Variants in ANO10 observed in about 807,000 individuals in gnomAD.
ANO10 encodes the protein anoctamin 10, also known as anoctamin-10.
ANO10 carries 77 observed loss-of-function variants against 74.7 expected under a neutral mutation model. The observed-to-expected ratio is 1.03, with a 90% confidence interval of 0.86 to 1.25. The LOEUF (loss-of-function observed/expected upper bound fraction) is 1.25, where lower values mean the gene tolerates loss of function less well. Ranked by LOEUF, ANO10 falls within the 50% of genes most tolerant of loss-of-function variation. The pLI is 0.00. For missense variants in ANO10, 721 were observed against 778.1 expected, an observed-to-expected ratio of 0.93 and a Z score of 0.87; for synonymous variants, 279 against 284.9, an observed-to-expected ratio of 0.98 and a Z score of 0.21.
chr3:43,567,924 G>A (rs1413227872), intron 7 of ANO10, among the ~76,000 whole-genome samples: 1 of 152,128 alleles, frequency 6.6e-6, no homozygotes, highest in Non-Finnish European at 1.5e-5. Context: ...TCAGTGTGCT[G>A]TATTCAGGAA....
At chr3:43,600,120 C>A (rs1575521138) in intron 3 of ANO10, among the ~76,000 whole-genome samples, 1 of 152,158 alleles carries the variant, frequency 6.6e-6, no homozygotes, top group Non-Finnish European at 1.5e-5. Flanking sequence ...TGGCAACAGG[C>A]CAAATCCAGC....
chr3:43,379,978 G>C (rs1438684720), intron 12 of ANO10, among the ~76,000 whole-genome samples: 1 of 152,098 alleles, frequency 6.6e-6, no homozygotes, highest in East Asian at 1.9e-4. Context: ...CAGTGAAATA[G>C]ATAGCATAAA....
At chr3:43,556,800 A>C (rs1304593670) in intron 9 of ANO10, among the ~76,000 whole-genome samples, 1 of 152,218 alleles carries the variant, frequency 6.6e-6, no homozygotes, top group Admixed American at 6.5e-5. Context: ...AAAAATCAGA[A>C]ATAAGATAAA....
intron 11 of ANO10, among the ~76,000 whole-genome samples, chr3:43,511,120 T>C (rs1387293052): frequency 1.3e-5 from 2 of 152,204 alleles, no homozygotes; most frequent in East Asian, 1.9e-4. Context: ...TTAAAGACGA[T>C]CGTTTTAAGT....
At chr3:43,576,210 CA>C (rs756895054) in intron 6 of ANO10, among the ~76,000 whole-genome samples, 49 of 151,778 alleles carry the variant, frequency 3.2e-4, no homozygotes, top group Non-Finnish European at 6.9e-4. Flanking sequence ...ATCATGAAGA[CA>C]TTTTTTTTTT....
chr3:43,532,646 C>T (rs2078524419), intron 11 of ANO10, among the ~76,000 whole-genome samples: 2 of 152,176 alleles, frequency 1.3e-5, no homozygotes, highest in Admixed American at 6.6e-5. Flanking sequence ...ATAACCACCA[C>T]CACAATCAGG....
At chr3:43,479,100 G>C (rs2076176213) in intron 11 of ANO10, among the ~76,000 whole-genome samples, 1 of 151,746 alleles carries the variant, frequency 6.6e-6, no homozygotes. Context: ...CTCGTGCATA[G>C]ATTATTGTGT....
At chr3:43,628,101 TTCC>T (rs1235750252) in intron 1 of ANO10, among the ~76,000 whole-genome samples, 1 of 152,184 alleles carries the variant, frequency 6.6e-6, no homozygotes, top group African/African-American at 2.4e-5. Flanking sequence ...ATAATTATTT[TTCC>T]TCCTTTCTTG....
chr3:43,598,601 G>C lies in ANO10; in HGVS notation c.403C>G (p.Leu135Val), dbSNP rs756534691. The C allele has an allele frequency of 2.0e-5, 32 of 1,611,928 alleles. No individual in the cohort carries two copies. The East Asian group carries it at 6.9e-4, about 35-fold the overall frequency. ...ATCATTTTTTCATCTTTAGCTCTAA[G>C]ATTTTCAAGTTCATGTTTGATAATG... ...QFIIKHELEN[L>V]RAKDEKMIPG... is the part of the protein sequence containing the mutation. The change falls in exon 4 of 13, where the codon CTT (leucine) becomes GTT (valine). Residue 135 changes from leucine to valine, a missense_variant. Leu to Val is a conservative substitution (Grantham distance 32). Transcript: ENST00000292246.
intron 11 of ANO10, among the ~76,000 whole-genome samples, chr3:43,472,965 G>C (rs919876156): frequency 6.6e-6 from 1 of 152,054 alleles, no homozygotes; most frequent in Non-Finnish European, 1.5e-5. Flanking sequence ...GCAAATATAA[G>C]CAAAATGATA....
At chr3:43,508,428 G>C (rs1262660059) in intron 11 of ANO10, among the ~76,000 whole-genome samples, 1 of 152,164 alleles carries the variant, frequency 6.6e-6, no homozygotes, top group African/African-American at 2.4e-5. Context: ...ATTTGACCCA[G>C]CAATCCCATT....
At chr3:43,562,039 A>G (rs1002786466) in intron 8 of ANO10, among the ~76,000 whole-genome samples, 2 of 152,162 alleles carry the variant, frequency 1.3e-5, no homozygotes, top group South Asian at 2.1e-4. Context: ...AAAAATCCAC[A>G]TATTTACAGT....
chr3:43,366,837 C>T lies in ANO10; in HGVS notation c.*69G>A. 1.4e-6 allele frequency: 2 copies of T among 1,476,376 alleles called. No homozygotes were observed. The highest frequency in any genetic ancestry group is 1.9e-6 in the Non-Finnish European group (2 of 1,079,706). The allele number at this position is 1,476,376 out of a possible 1,614,324, so 91.5% of individuals were successfully genotyped here. On this transcript the variant is annotated 3_prime_UTR_variant, in exon 13 of 13. Coordinates refer to ENST00000292246, the MANE Select transcript of ANO10 (RefSeq NM_018075.5). ...CCACGATGCTGCCCCGGGTACCCCC[C>T]CTGCCACCGTGGCAGGTGTGGCACA...
chr3:43,477,976 CTG>C (rs1353144485), intron 11 of ANO10, among the ~76,000 whole-genome samples: 2 of 152,174 alleles, frequency 1.3e-5, no homozygotes, highest in Non-Finnish European at 2.9e-5. Context: ...GAAGTAGTCT[CTG>C]TTTTTTCAGT....
At chr3:43,425,195 T>G (rs1452065624) in intron 12 of ANO10, among the ~76,000 whole-genome samples, 2 of 151,570 alleles carry the variant, frequency 1.3e-5, no homozygotes, top group Non-Finnish European at 2.9e-5. Context: ...ATGTATTTAC[T>G]GTAACTTTTT....
intron 11 of ANO10, among the ~76,000 whole-genome samples, chr3:43,546,338 C>G (rs551496159): frequency 7.9e-5 from 12 of 152,256 alleles, no homozygotes; most frequent in African/African-American, 2.9e-4. Flanking sequence ...AGTCTCACAC[C>G]TCCTGATTTC....
chr3:43,430,266 AT>A (rs1389195514), intron 12 of ANO10, among the ~76,000 whole-genome samples: 3 of 147,090 alleles, frequency 2.0e-5, no homozygotes, highest in African/African-American at 7.5e-5. Flanking sequence ...GAGTTTGCTT[AT>A]TTTTTGTCAT....
chr3:43,467,311 T>G (rs2075669240), intron 11 of ANO10, among the ~76,000 whole-genome samples: 1 of 152,226 alleles, frequency 6.6e-6, no homozygotes, highest in Non-Finnish European at 1.5e-5. Context: ...CACTGCTGCC[T>G]CATTCATAAC....
At chr3:43,653,352 C>CT (rs1186838541) in intron 1 of ANO10, among the ~76,000 whole-genome samples, 1 of 150,978 alleles carries the variant, frequency 6.6e-6, no homozygotes, top group African/African-American at 2.5e-5. Context: ...TAAAGAAATG[C>CT]CAATTGAAGC....
Sources: gnomAD v4.1 joint callset for allele counts (sites outside exome capture counted in the v4.1 genomes callset) on GRCh38, gnomAD v4.1.1 for gene constraint, MANE v1.5 for transcripts, NCBI Gene and HGNC (gene_info 2026-07-23, HGNC 2026-07-21) for gene names.